The following DPP6 variants were observed in gnomAD, a reference collection of about 807,000 sequenced individuals.
DPP6 encodes the protein A-type potassium channel modulatory protein DPP6.
Under a neutral mutation model 122.6 loss-of-function variants are expected in DPP6, and 69 were observed. That is an observed-to-expected ratio of 0.56 (90% CI 0.46 to 0.69). The LOEUF is 0.69. Ranked by LOEUF, DPP6 falls within the 30% of genes least tolerant of loss-of-function variation. The pLI, the probability that DPP6 is intolerant of heterozygous loss-of-function variation, is 0.00. For missense variants in DPP6, 928 were observed against 1,116.9 expected, an observed-to-expected ratio of 0.83 and a Z score of 2.41; for synonymous variants, 418 against 433.1, an observed-to-expected ratio of 0.97 and a Z score of 0.43.
At chr7:154,150,445 G>T (rs1170524506) in intron 1 of DPP6, among the ~76,000 whole-genome samples, 1 of 152,162 alleles carries the variant, frequency 6.6e-6, no homozygotes, top group Non-Finnish European at 1.5e-5. Flanking sequence ...TTTCTGGGAG[G>T]ATATACTGAA....
At chr7:154,736,323 T>C (rs548359024) in intron 8 of DPP6, among the ~76,000 whole-genome samples, 1 of 152,306 alleles carries the variant, frequency 6.6e-6, no homozygotes, top group South Asian at 2.1e-4. Context: ...TTGCAGGACA[T>C]ATGGTCTTCA....
intron 1 of DPP6, among the ~76,000 whole-genome samples, chr7:154,125,829 CT>C (rs1161151704): frequency 6.6e-6 from 1 of 152,176 alleles, no homozygotes; most frequent in African/African-American, 2.4e-5. Flanking sequence ...TCTGGCCTCC[CT>C]AGCAGAGCCC....
chr7:154,680,693 TTAAAAAA>T (rs1350043694), intron 7 of DPP6, among the ~76,000 whole-genome samples: 46 of 90,578 alleles, frequency 5.1e-4, no homozygotes, highest in African/African-American at 1.6e-3. Flanking sequence ...TATATTTTTT[TTAAAAAA>T]AAATTAAAAA....
At chr7:154,632,139 C>T (rs1294303874) in intron 5 of DPP6, among the ~76,000 whole-genome samples, 1 of 152,196 alleles carries the variant, frequency 6.6e-6, no homozygotes, top group East Asian at 1.9e-4. Context: ...CAATTGGCTA[C>T]GTTTGATTAG....
intron 1 of DPP6, among the ~76,000 whole-genome samples, chr7:154,444,319 G>A (rs1290659386): frequency 6.6e-6 from 1 of 151,434 alleles, no homozygotes; most frequent in Non-Finnish European, 1.5e-5. Flanking sequence ...AAAAAAATTA[G>A]CCAGGTGTGA....
rs111988425 is a variant in DPP6 at position 154,418,416 on chromosome 7, T to A, written c.244-27798T>A. Among the ~76,000 whole-genome samples the A allele has an allele frequency of 3.2e-3, 491 of 152,386 alleles. 3 individuals are homozygous for A. Among genetic ancestry groups the A allele is most frequent in the Non-Finnish European group, 5.0e-3 (342 of 68,040 alleles). ...AAGAACCTTGTTTACAGTAGGTGCT[T>A]AATAAATATTTAATCCATTTATCAA... On this transcript the variant is annotated intron_variant, in intron 1 of 25. Coordinates refer to ENST00000377770, the MANE Select transcript of DPP6 (RefSeq NM_130797.4).
intron 1 of DPP6, among the ~76,000 whole-genome samples, chr7:154,301,093 A>C (rs1481959308): frequency 6.6e-6 from 1 of 152,100 alleles, no homozygotes; most frequent in Admixed American, 6.5e-5. Context: ...TTTCATATTA[A>C]ATTTTCTGAA....
chr7:154,259,146 C>A (rs1446988830), intron 1 of DPP6, among the ~76,000 whole-genome samples: 2 of 152,204 alleles, frequency 1.3e-5, no homozygotes, highest in Non-Finnish European at 2.9e-5. Context: ...TCTACAGACT[C>A]AATTCCTGGG....
chr7:154,526,139 G>A (rs1301390808), intron 3 of DPP6, among the ~76,000 whole-genome samples: 1 of 152,094 alleles, frequency 6.6e-6, no homozygotes, highest in East Asian at 1.9e-4. Context: ...TCTTTTTTAA[G>A]GTCTTGTGAC....
intron 2 of DPP6, among the ~76,000 whole-genome samples, chr7:154,457,895 C>T (rs1355867756): frequency 5.8e-5 from 1 of 17,212 alleles, no homozygotes; most frequent in African/African-American, 1.7e-4. Flanking sequence ...GTGGGTGCAG[C>T]GCACCAGCAT....
In DPP6 at chr7:154,481,225, G is replaced by T. The variant is rs1298824226; in HGVS notation, c.457+6188G>T. Among the ~76,000 whole-genome samples the T allele has an allele frequency of 6.6e-6, 1 of 152,044 alleles. No homozygotes were observed. Among genetic ancestry groups the T allele is most frequent in the South Asian group, 2.1e-4 (1 of 4,826 alleles). On this transcript the variant is annotated intron_variant, in intron 3 of 25. Coordinates refer to ENST00000377770, the MANE Select transcript of DPP6 (RefSeq NM_130797.4). This position sits in a 1 kb window ranked among gnomAD's most constrained non-coding sequence, Gnocchi z 4.2. ...CAAGTTTCTCACTTATCCTCACTTT[G>T]TACTCCCTGAGGGGAAATAATTCAC... is the stretch of plus-strand genomic sequence containing the variant.
chr7:153,933,398 A>T (rs1801265154), intron 1 of DPP6, among the ~76,000 whole-genome samples: 1 of 152,316 alleles, frequency 6.6e-6, no homozygotes, highest in East Asian at 1.9e-4. Context: ...TGTTCTGTCC[A>T]ATTTGGGTAA....
At chr7:154,709,607 T>G (rs1480166242) in intron 7 of DPP6, among the ~76,000 whole-genome samples, 1 of 150,632 alleles carries the variant, frequency 6.6e-6, no homozygotes, top group East Asian at 2.0e-4. Context: ...TTTTCAAATA[T>G]TCCACAAAAA....
At chr7:154,021,193 T>C (rs1798681019) in intron 1 of DPP6, among the ~76,000 whole-genome samples, 1 of 152,174 alleles carries the variant, frequency 6.6e-6, no homozygotes, top group African/African-American at 2.4e-5. Flanking sequence ...TTCAGCACTC[T>C]GCGAACGTTT....
intron 1 of DPP6, among the ~76,000 whole-genome samples, chr7:153,942,681 G>C (rs1801752432): frequency 6.6e-6 from 1 of 152,228 alleles, no homozygotes; most frequent in Non-Finnish European, 1.5e-5. Context: ...ACTCTTGCCA[G>C]AGCGGGCTGT....
At chr7:153,968,205 TTTG>T (rs1362134038) in intron 1 of DPP6, among the ~76,000 whole-genome samples, 2 of 149,890 alleles carry the variant, frequency 1.3e-5, no homozygotes, top group African/African-American at 2.5e-5. Flanking sequence ...CTTGACAGCA[TTTG>T]TTGTTATTTG....
intron 1 of DPP6, among the ~76,000 whole-genome samples, chr7:154,030,730 G>T (rs552159095): frequency 9.9e-5 from 15 of 152,004 alleles, no homozygotes; most frequent in Non-Finnish European, 1.5e-4. Context: ...GGGAGATTCA[G>T]CGTCTGGACT....
At chr7:153,794,286 C>G in the DPP6 span, among the ~76,000 whole-genome samples, 4 of 152,220 alleles carry the variant, frequency 2.6e-5, no homozygotes, top group Non-Finnish European at 5.9e-5. Flanking sequence ...AGGAGTGGAG[C>G]TGCCCAAGAC....
intron 16 of DPP6, among the ~76,000 whole-genome samples, chr7:154,851,001 A>G (rs1030978122): frequency 5.3e-5 from 8 of 152,254 alleles, no homozygotes; most frequent in Non-Finnish European, 1.0e-4. Flanking sequence ...TGTTTAAAAT[A>G]CGTGCTTATG....
Sources: gnomAD v4.1 joint callset for allele counts (sites outside exome capture counted in the v4.1 genomes callset) on GRCh38, gnomAD v4.1.1 for gene constraint, Gnocchi (gnomAD v3.1) non-coding constraint, MANE v1.5 for transcripts, NCBI Gene and HGNC (gene_info 2026-07-23, HGNC 2026-07-21) for gene names.